ATP11A: variants seen among roughly 807,000 people sequenced by gnomAD.
ATP11A encodes the protein ATPase phospholipid transporting 11A.
Under a neutral mutation model 154.4 loss-of-function variants are expected in ATP11A, and 81 were observed. That is an observed-to-expected ratio of 0.52 (90% CI 0.44 to 0.63). ATP11A has a LOEUF of 0.63. Among genes scored for constraint, ATP11A ranks in the 30% least tolerant of loss-of-function variants. The pLI is 0.00. For missense variants in ATP11A, 1,316 were observed against 1,474.3 expected (o/e 0.89, Z 1.76); for synonymous variants, 623 against 585.9 (o/e 1.06, Z -0.91).
At chr13:112,727,357 T>C (rs1393368814) in intron 1 of ATP11A, among the ~76,000 whole-genome samples, 1 of 152,246 alleles carries the variant, frequency 6.6e-6, no homozygotes, top group Non-Finnish European at 1.5e-5. Flanking sequence ...GAACGCTGTT[T>C]CTAGTGATAA....
intron 9 of ATP11A, 142 bp from the exon 10 acceptor site, chr13:112,824,202 G>C: frequency 1.5e-6 from 1 of 648,308 alleles, no homozygotes; most frequent in South Asian, 1.8e-5. Flanking sequence ...CTAGTGTTAT[G>C]TGGCTATGGA....
rs200183834 is a variant in ATP11A at position 112,802,425 on chromosome 13, CCACCCAGATAGTCAACCCATT to C, written c.163-2511_163-2491del. 2.2e-4 allele frequency among the ~76,000 whole-genome samples: 33 copies of C among 151,824 alleles called. No individual in the cohort carries two copies. The East Asian group carries it at 3.7e-3, about 17-fold the overall frequency. The stretch of plus-strand genomic sequence containing the variant: ...CTGGGAGTAGATCCACCCAGTAAAT[CCACCCAGATAGTCAACCCATT>C]CACCCAGATAGTCAACCCATCTTTG... On this transcript the variant is annotated intron_variant, in intron 2 of 29. Transcript: ENST00000375645.
At chr13:112,820,048 G>T in intron 8 of ATP11A, 98 bp downstream of exon 8, 1 of 1,248,856 alleles carries the variant, frequency 8.0e-7, no homozygotes, top group Non-Finnish European at 1.1e-6. Context: ...GGCTGCTCTG[G>T]TAGATTTGGA....
Position 112,785,109 on chromosome 13 carries a change from G to T in ATP11A, c.40-26G>T. ...TTTTGATGCAGGTTCTGAGGCAGCT[G>T]CCTAACACCGCTCTCCTTTCCGCAG... On this transcript the variant is annotated intron_variant, in intron 1 of 29. Transcript: ENST00000375645. This position sits in a 1 kb window ranked among gnomAD's most constrained non-coding sequence, Gnocchi z 4.8. 6.9e-7 allele frequency: 1 copy of T among 1,440,578 alleles called. No homozygotes were observed. The highest frequency in any genetic ancestry group is 9.2e-7 in the Non-Finnish European group (1 of 1,090,132). The allele number at this position is 1,440,578 out of a possible 1,614,324, so 89.2% of individuals were successfully genotyped here.
rs754477254 is a variant in ATP11A at position 112,785,259 on chromosome 13, T to C, written c.162+2T>C. The C allele has an allele frequency of 1.3e-6, 2 of 1,508,514 alleles. No homozygotes were observed. The highest frequency in any genetic ancestry group is 8.9e-7 in the Non-Finnish European group (1 of 1,128,394). 93.4% of individuals were successfully genotyped at this position (1,508,514 alleles called of 1,614,324 possible). On this transcript the variant is annotated splice_donor_variant, in intron 2 of 29. Coordinates refer to ENST00000375645, the MANE Select transcript of ATP11A (RefSeq NM_015205.3). LOFTEE classifies it high-confidence loss of function. The surrounding 1 kb of genome is among the most constrained non-coding windows in gnomAD (Gnocchi z 4.8). Reference sequence around the variant, plus strand: ...GACAACAGGATCGTCTCGTCCAAGGTAACTTGGCTTGGGTCTGAGTGTCCA... The same window carrying C: ...GACAACAGGATCGTCTCGTCCAAGGCAACTTGGCTTGGGTCTGAGTGTCCA...
rs79512534 is a variant in ATP11A at position 112,862,029 on chromosome 13, G to A, written c.2856-411G>A. 4.3e-3 allele frequency among the ~76,000 whole-genome samples: 207 copies of A among 47,752 alleles called. 3 individuals are homozygous for A. In the East Asian group the frequency reaches 0.1, roughly 23 times the overall value. The allele number at this position is 47,752 out of a possible 152,430, so 31.3% of individuals were successfully genotyped here. A position where few individuals can be genotyped will look rare whatever the true frequency, so the allele number is the denominator to read the frequency against. The stretch of plus-strand genomic sequence containing the variant: ...TGTCACAGCAGGCGTAAGGCGTCAC[G>A]TCAGGCGTAAGGTGTCACAGCAGGC... On this transcript the variant is annotated intron_variant, in intron 24 of 29. Coordinates refer to ENST00000375645, the MANE Select transcript of ATP11A (RefSeq NM_015205.3).
In ATP11A at chr13:112,711,519, G is replaced by GA. The variant is rs1021708625; in HGVS notation, c.39+21076dup. Among the ~76,000 whole-genome samples the GA allele has an allele frequency of 4.2e-3, 604 of 143,228 alleles. 1 individual carries two copies. The highest frequency in any genetic ancestry group is 7.4e-3 in the Middle Eastern group (2 of 272). The allele number at this position is 143,228 out of a possible 152,430, so 94.0% of individuals were successfully genotyped here. A position where few individuals can be genotyped will look rare whatever the true frequency, so the allele number is the denominator to read the frequency against. On this transcript the variant is annotated intron_variant, in intron 1 of 29. Transcript: ENST00000375645. The stretch of plus-strand genomic sequence containing the variant: ...ATCCAATTTTAAATCCACCTGATGA[G>GA]AAAAAAAAAAAAGCAGCCCAGGGAC...
At chr13:112,693,637 C>T (rs1243741317) in intron 1 of ATP11A, among the ~76,000 whole-genome samples, 1 of 151,918 alleles carries the variant, frequency 6.6e-6, no homozygotes, top group Non-Finnish European at 1.5e-5. Context: ...GGTAGTTTGA[C>T]CTCCATGACG....
At chr13:112,857,185 T>C (rs1035041883) in intron 20 of ATP11A, among the ~76,000 whole-genome samples, 1 of 152,196 alleles carries the variant, frequency 6.6e-6, no homozygotes, top group Admixed American at 6.5e-5. Flanking sequence ...GCACCCACGT[T>C]TCCCCCCATC....
chr13:112,881,390 GC>G, intron 29 of ATP11A: 2 of 1,041,692 alleles, frequency 1.9e-6, no homozygotes, highest in Non-Finnish European at 2.3e-6. Context: ...GTGGGGTGGG[GC>G]CTGCCTTCCC....
At chr13:112,695,687 A>C (rs1011007537) in intron 1 of ATP11A, among the ~76,000 whole-genome samples, 2 of 152,242 alleles carry the variant, frequency 1.3e-5, no homozygotes, top group African/African-American at 4.8e-5. Flanking sequence ...CATGAATAAA[A>C]ATACATAGTT....
intron 1 of ATP11A, among the ~76,000 whole-genome samples, chr13:112,773,997 C>T (rs1049226445): frequency 1.3e-5 from 2 of 152,196 alleles, no homozygotes; most frequent in African/African-American, 4.8e-5. Flanking sequence ...CAAAGAACCT[C>T]AGCTCCTCAA....
chr13:112,810,178 G>C (rs910654676), intron 4 of ATP11A, among the ~76,000 whole-genome samples: 18 of 152,352 alleles, frequency 1.2e-4, no homozygotes, highest in Admixed American at 7.2e-4. Context: ...TTTCCAAGTG[G>C]AAGGTTGACA....
intron 2 of ATP11A, among the ~76,000 whole-genome samples, chr13:112,786,882 T>C (rs1756072): frequency 1.3e-4 from 20 of 151,918 alleles, no homozygotes; most frequent in African/African-American, 4.4e-4. Context: ...TGTCCTGATG[T>C]GTAGACCCCT....
At chr13:112,868,850 A>G (rs951563325) in intron 25 of ATP11A, among the ~76,000 whole-genome samples, 1 of 152,168 alleles carries the variant, frequency 6.6e-6, no homozygotes, top group Admixed American at 6.6e-5. Flanking sequence ...GGGAGGCCTC[A>G]GGAAACTTAC....
At position 112,709,209 on chromosome 13, in the gene ATP11A, G is replaced by GC. The variant is rs1385088800; in HGVS notation, c.39+18757dup. ...CTTTCTAAGGGGTCTGGGGAGTCAT[G>GC]CCCTACAAATCATAAATTCTCATCA... is the stretch of plus-strand genomic sequence containing the variant. On this transcript the variant is annotated intron_variant, in intron 1 of 29. Coordinates refer to ENST00000375645, the MANE Select transcript of ATP11A (RefSeq NM_015205.3). Among the ~76,000 whole-genome samples the GC allele has an allele frequency of 2.0e-5, 3 of 152,178 alleles. No individual in the cohort carries two copies. In the East Asian group the frequency reaches 5.8e-4, roughly 29 times the overall value.
intron 2 of ATP11A, among the ~76,000 whole-genome samples, chr13:112,786,778 T>C (rs2077638275): frequency 6.6e-6 from 1 of 152,248 alleles, no homozygotes. Context: ...CGGCCCACCA[T>C]TCACACGTGT....
At chr13:112,802,312 C>G (rs1055409698) in intron 2 of ATP11A, among the ~76,000 whole-genome samples, 3 of 151,932 alleles carry the variant, frequency 2.0e-5, no homozygotes, top group African/African-American at 4.8e-5. Context: ...CGCCACTGCA[C>G]TCCAGCCTGG....
At chr13:112,812,500 G>A (rs1386535715) in intron 5 of ATP11A, among the ~76,000 whole-genome samples, 1 of 152,304 alleles carries the variant, frequency 6.6e-6, no homozygotes, top group Non-Finnish European at 1.5e-5. Context: ...AAGCCTGGAG[G>A]GAGGGCCTCC....
Sources: gnomAD v4.1 joint callset for allele counts (sites outside exome capture counted in the v4.1 genomes callset) on GRCh38, gnomAD v4.1.1 for gene constraint, Gnocchi (gnomAD v3.1) non-coding constraint, MANE v1.5 for transcripts, NCBI Gene and HGNC (gene_info 2026-07-23, HGNC 2026-07-21) for gene names.